The following HEMK2 variants were observed in gnomAD, a reference collection of about 807,000 sequenced individuals.
HEMK2 encodes HemK methyltransferase 2, ETF1 glutamine and histone H4 lysine.
chr21:28,828,091 G>C, the HEMK2 span, among the ~76,000 whole-genome samples: 3 of 152,120 alleles, frequency 2.0e-5, no homozygotes, highest in Non-Finnish European at 2.9e-5. Flanking sequence ...TTCCAGAAAG[G>C]GTTCTTAGAA....
At chr21:28,582,636 G>C in the HEMK2 span, among the ~76,000 whole-genome samples, 1 of 152,140 alleles carries the variant, frequency 6.6e-6, no homozygotes, top group South Asian at 2.1e-4. Flanking sequence ...GTACATAGTA[G>C]AGAATACATT....
chr21:28,862,772 T>C, the HEMK2 span, among the ~76,000 whole-genome samples: 3 of 152,256 alleles, frequency 2.0e-5, no homozygotes, highest in Non-Finnish European at 4.4e-5. Flanking sequence ...ATGCATACAC[T>C]TGTACTAAGA....
At chr21:28,883,339 T>A in the HEMK2 span, among the ~76,000 whole-genome samples, 1 of 152,142 alleles carries the variant, frequency 6.6e-6, no homozygotes. Flanking sequence ...CAACAAACCA[T>A]TACATTAAAA....
the HEMK2 span, among the ~76,000 whole-genome samples, chr21:28,604,841 G>T: frequency 6.6e-6 from 1 of 152,126 alleles, no homozygotes; most frequent in African/African-American, 2.4e-5. Context: ...TTCCTGCTTT[G>T]GTAATACAGT....
chr21:28,665,121 TAA>T, the HEMK2 span, among the ~76,000 whole-genome samples: 5 of 138,748 alleles, frequency 3.6e-5, no homozygotes, highest in Non-Finnish European at 3.1e-5. Context: ...CTACTAAACA[TAA>T]AAAAAAAAAA....
chr21:28,829,001 C>T, the HEMK2 span, among the ~76,000 whole-genome samples: 1 of 152,058 alleles, frequency 6.6e-6, no homozygotes, highest in Non-Finnish European at 1.5e-5. Context: ...CTTTACATTC[C>T]TGGTGTTTCT....
chr21:28,723,344 A>G, the HEMK2 span, among the ~76,000 whole-genome samples: 2 of 152,154 alleles, frequency 1.3e-5, no homozygotes, highest in East Asian at 3.8e-4. Context: ...ACTGAGAACA[A>G]TTAGTCTACA....
chr21:28,612,021 T>C, the HEMK2 span, among the ~76,000 whole-genome samples: 7 of 151,896 alleles, frequency 4.6e-5, no homozygotes, highest in Non-Finnish European at 8.8e-5. Flanking sequence ...ACCAATCTTA[T>C]TGACACTATT....
At chr21:28,620,896 T>C in the HEMK2 span, among the ~76,000 whole-genome samples, 75 of 151,842 alleles carry the variant, frequency 4.9e-4, no homozygotes, top group Non-Finnish European at 8.7e-4. Flanking sequence ...ATAGTTTTGA[T>C]CTCTTGACCT....
the HEMK2 span, chr21:28,883,010 T>C: frequency 5.0e-6 from 8 of 1,606,006 alleles, no homozygotes; most frequent in Non-Finnish European, 6.8e-6. Flanking sequence ...GGGCCTATCA[T>C]AGAGGCTAGG....
At chr21:28,868,257 G>A in the HEMK2 span, among the ~76,000 whole-genome samples, 7 of 152,054 alleles carry the variant, frequency 4.6e-5, no homozygotes, top group African/African-American at 1.4e-4. Context: ...CATTTGTTCC[G>A]GTTTTATGAA....
At chr21:28,819,196 T>C in the HEMK2 span, among the ~76,000 whole-genome samples, 17 of 151,990 alleles carry the variant, frequency 1.1e-4, no homozygotes, top group Non-Finnish European at 2.2e-4. Context: ...TGGGTATTGT[T>C]GGATACCCAT....
chr21:28,681,795 T>C, the HEMK2 span, among the ~76,000 whole-genome samples: 2 of 151,976 alleles, frequency 1.3e-5, no homozygotes, highest in African/African-American at 4.8e-5. Flanking sequence ...AAACAAGCAA[T>C]GGGGAAATGA....
At chr21:28,867,267 T>C in the HEMK2 span, among the ~76,000 whole-genome samples, 2 of 152,174 alleles carry the variant, frequency 1.3e-5, no homozygotes, top group Non-Finnish European at 2.9e-5. Flanking sequence ...TATGAATAAA[T>C]GAATAGTGGA....
At chr21:28,721,900 T>TCACACA in the HEMK2 span, among the ~76,000 whole-genome samples, 1,585 of 127,334 alleles carry the variant, frequency 0.012, 24 homozygotes, top group East Asian at 0.058. Flanking sequence ...TTCTTAACCA[T>TCACACA]CACACACACA....
the HEMK2 span, among the ~76,000 whole-genome samples, chr21:28,635,145 A>G: frequency 4.1e-5 from 6 of 145,984 alleles, no homozygotes; most frequent in East Asian, 8.0e-4. Context: ...TCTTTCTCCC[A>G]GGCTGGCATG....
the HEMK2 span, among the ~76,000 whole-genome samples, chr21:28,803,911 A>C: frequency 6.6e-6 from 1 of 152,222 alleles, no homozygotes; most frequent in South Asian, 2.1e-4. Context: ...TGGGCAAGAG[A>C]AGGGCAACGA....
At chr21:28,635,295 G>A in the HEMK2 span, among the ~76,000 whole-genome samples, 1 of 151,884 alleles carries the variant, frequency 6.6e-6, no homozygotes, top group African/African-American at 2.4e-5. Context: ...GTAAAGACAG[G>A]GTTTCACCAT....
chr21:28,708,283 A>C, the HEMK2 span, among the ~76,000 whole-genome samples: 2 of 150,514 alleles, frequency 1.3e-5, no homozygotes, highest in African/African-American at 4.9e-5. Flanking sequence ...AGATCTTTTG[A>C]AAATCAGGTT....
Sources: allele counts gnomAD v4.1 joint callset (sites outside exome capture counted in the v4.1 genomes callset), GRCh38; gene constraint gnomAD v4.1.1; transcripts MANE v1.5; gene names NCBI Gene and HGNC (gene_info 2026-07-23, HGNC 2026-07-21).